UBQLN1: variants seen among roughly 807,000 people sequenced by gnomAD.
The protein encoded by UBQLN1 is ubiquilin 1.
In UBQLN1, 13 loss-of-function variants were observed where a neutral mutation model predicts 65.4. The observed-to-expected ratio is 0.20, with a 90% CI of 0.13 to 0.32. UBQLN1 has a LOEUF of 0.32. UBQLN1 is among the 10% of genes least tolerant of loss of function. UBQLN1 has a pLI of 1.00. For synonymous variants in UBQLN1, 267 were observed against 247.8 expected, an observed-to-expected ratio of 1.08 and a Z score of -0.73; for missense variants, 561 against 724.0, an observed-to-expected ratio of 0.77 and a Z score of 2.58.
At chr9:83,703,228 A>G (rs1244802938) in intron 1 of UBQLN1, among the ~76,000 whole-genome samples, 3 of 151,970 alleles carry the variant, frequency 2.0e-5, no homozygotes. Context: ...GTATCTATTT[A>G]CTTACATACA....
At chr9:83,704,268 T>C (rs1832359331) in intron 1 of UBQLN1, among the ~76,000 whole-genome samples, 1 of 152,250 alleles carries the variant, frequency 6.6e-6, no homozygotes, top group Non-Finnish European at 1.5e-5. Context: ...AATTTTTAAA[T>C]TATAAAATGG....
chr9:83,693,352 T>C (rs1832158825), intron 1 of UBQLN1, among the ~76,000 whole-genome samples: 1 of 152,216 alleles, frequency 6.6e-6, no homozygotes, highest in African/African-American at 2.4e-5. Context: ...CTGAATGTAA[T>C]TTTAACTTTT....
At chr9:83,700,711 A>G (rs978127455) in intron 1 of UBQLN1, among the ~76,000 whole-genome samples, 3 of 152,236 alleles carry the variant, frequency 2.0e-5, no homozygotes, top group African/African-American at 7.2e-5. Context: ...CAAACTGTAC[A>G]GAAGTCCTCA....
chr9:83,668,069 T>C (rs1398250467), intron 7 of UBQLN1: 8 of 985,274 alleles, frequency 8.1e-6, no homozygotes, highest in Admixed American at 6.1e-5. Flanking sequence ...TGGCTTATTA[T>C]GGTAAATTGA....
chr9:83,667,564 C>T, intron 7 of UBQLN1: 3 of 985,308 alleles, frequency 3.0e-6, no homozygotes, highest in Non-Finnish European at 2.4e-6. Context: ...AGTAAGTAAA[C>T]TCATACAGGC....
chr9:83,688,194 A>C (rs1832070489), intron 1 of UBQLN1, among the ~76,000 whole-genome samples: 1 of 152,200 alleles, frequency 6.6e-6, no homozygotes. Context: ...GTAGTCAATA[A>C]ATGGTAGCTA....
chr9:83,686,202 C>T, intron 1 of UBQLN1, 47 bp from the exon 2 acceptor site: 1 of 1,309,762 alleles, frequency 7.6e-7, no homozygotes, highest in Non-Finnish European at 1.0e-6. Flanking sequence ...TTGCACAGCA[C>T]CATACAGTCT....
At chr9:83,662,129 T>C (rs967870518) in intron 10 of UBQLN1, among the ~76,000 whole-genome samples, 190 bp from the exon 11 acceptor site, 1 of 152,140 alleles carries the variant, frequency 6.6e-6, no homozygotes, top group African/African-American at 2.4e-5. Context: ...AATAGTCTAG[T>C]TTGTACCTAA....
chr9:83,684,484 C>T (rs530681155), intron 2 of UBQLN1, among the ~76,000 whole-genome samples: 11 of 151,848 alleles, frequency 7.2e-5, no homozygotes, highest in East Asian at 4.0e-4. Flanking sequence ...TGTGAGCCAC[C>T]GCGCCTGGCC....
chr9:83,685,373 A>G (rs1334279611), intron 2 of UBQLN1, among the ~76,000 whole-genome samples: 3 of 152,244 alleles, frequency 2.0e-5, no homozygotes, highest in African/African-American at 7.2e-5. Context: ...TGCAAGAGTG[A>G]TATGATAAAA....
intron 1 of UBQLN1, among the ~76,000 whole-genome samples, chr9:83,700,367 A>G (rs1832290593): frequency 6.6e-6 from 1 of 152,118 alleles, no homozygotes; most frequent in East Asian, 1.9e-4. Flanking sequence ...CACTCAGTAA[A>G]GGTTCAACAA....
chr9:83,669,739 GAAGT>G (rs1472128300), intron 6 of UBQLN1, among the ~76,000 whole-genome samples: 3 of 152,176 alleles, frequency 2.0e-5, no homozygotes, highest in Admixed American at 6.5e-5. Flanking sequence ...CCTTATGAAA[GAAGT>G]AAGCCTTCAT....
rs146291236 is a variant in UBQLN1, at chr9:83,663,882, T to G, written c.1610A>C (p.Asn537Thr). The part of the protein sequence containing the change: ...QQMLQALAGV[N>T]PQLQNPEVRF... ...ATGGAAAAGAACTGATACCTGAGGATTTACTCCAGCAAGAGCCTGCAGCAT... is the reference window on the plus strand; with the variant it reads ...ATGGAAAAGAACTGATACCTGAGGAGTTACTCCAGCAAGAGCCTGCAGCAT... The change falls in exon 10 of 11, where the codon AAT (asparagine) becomes ACT (threonine). Residue 537 changes from asparagine to threonine, a missense_variant. Asn to Thr is a moderately conservative substitution (Grantham distance 65). Coordinates refer to ENST00000376395, the MANE Select transcript of UBQLN1 (RefSeq NM_013438.5). The G allele has an allele frequency of 6.2e-7, 1 of 1,613,482 alleles. No homozygotes were observed.
intron 7 of UBQLN1, chr9:83,668,562 T>A: frequency 1.0e-6 from 1 of 985,538 alleles, no homozygotes; most frequent in South Asian, 4.7e-5. Flanking sequence ...CGGTACTGTC[T>A]ATAAAGCTTC....
intron 9 of UBQLN1, among the ~76,000 whole-genome samples, chr9:83,664,508 T>G (rs574142241): frequency 3.9e-5 from 6 of 152,184 alleles, no homozygotes; most frequent in Non-Finnish European, 7.4e-5. Flanking sequence ...TCCCAACTAC[T>G]GGGGAGGCTG....
chr9:83,682,674 T>C (rs995349769), intron 3 of UBQLN1, among the ~76,000 whole-genome samples: 4 of 152,206 alleles, frequency 2.6e-5, no homozygotes, highest in Non-Finnish European at 5.9e-5. Context: ...AATAACCAGC[T>C]AATCTTACTC....
rs116718665 is a variant in UBQLN1 at position 83,693,838 on chromosome 9, T to C, written c.181-7683A>G. 6.5e-3 allele frequency among the ~76,000 whole-genome samples: 987 copies of C among 152,258 alleles called. 12 individuals carry two copies. Among genetic ancestry groups the C allele is most frequent in the African/African-American group, 0.023 (935 of 41,552 alleles). ...AAATCTTGGTTTTGCTACATACTAG[T>C]TGTGTGACCTGGAGGATGTTACCTG... is the stretch of plus-strand genomic sequence containing the variant. On this transcript the variant is annotated intron_variant, in intron 1 of 10. Transcript: ENST00000376395.
chr9:83,697,559 A>AAAG (rs1356713392), intron 1 of UBQLN1, among the ~76,000 whole-genome samples: 1 of 141,708 alleles, frequency 7.1e-6, no homozygotes. Context: ...CTCAAAAAAA[A>AAAG]AAAAAAAAAA....
rs1831541574 is a variant in UBQLN1 at position 83,660,206 on chromosome 9, G to A, written c.*1581C>T. On this transcript the variant is annotated 3_prime_UTR_variant, in exon 11 of 11. Transcript: ENST00000376395. ...GGGGAAAGTGTCAGAACAGTGCAAG[G>A]ACTGGTGGGTAACCTGGCCTCTTAA... 6.6e-6 allele frequency: 1 copy of A among 152,622 alleles called. No individual in the cohort carries two copies. Among genetic ancestry groups the A allele is most frequent in the African/African-American group, 2.4e-5 (1 of 41,452 alleles). 9.5% of individuals were successfully genotyped at this position (152,622 alleles called of 1,614,324 possible). A position where few individuals can be genotyped will look rare whatever the true frequency, so the allele number is the denominator to read the frequency against.
Sources: gnomAD v4.1 joint callset for allele counts (sites outside exome capture counted in the v4.1 genomes callset) on GRCh38, gnomAD v4.1.1 for gene constraint, MANE v1.5 for transcripts, NCBI Gene and HGNC (gene_info 2026-07-23, HGNC 2026-07-21) for gene names.